EPHA5: variants seen among roughly 807,000 people sequenced by gnomAD.
The protein encoded by EPHA5 is EPH receptor A5, also known as ephrin type-A receptor 5.
EPHA5 carries 60 observed loss-of-function variants against 105.0 expected under a neutral mutation model. That is an observed-to-expected ratio of 0.57 (90% CI 0.46 to 0.71). The LOEUF (loss-of-function observed/expected upper bound fraction) is 0.71. EPHA5 is among the 30% of genes least tolerant of loss of function. The pLI, the probability that EPHA5 is intolerant of heterozygous loss-of-function variation, is 0.00. For missense variants in EPHA5, 1,218 were observed against 1,274.7 expected (o/e 0.96, Z 0.68); for synonymous variants, 513 against 449.1 (o/e 1.14, Z -1.80).
intron 16 of EPHA5, among the ~76,000 whole-genome samples, chr4:65,324,576 T>G (rs1719897970): frequency 7.1e-6 from 1 of 141,806 alleles, no homozygotes; most frequent in African/African-American, 2.5e-5. Flanking sequence ...ACAATATTCA[T>G]AAGCACTTAT....
chr4:65,428,477 T>C (rs1335913563), intron 5 of EPHA5, among the ~76,000 whole-genome samples: 2 of 152,048 alleles, frequency 1.3e-5, no homozygotes, highest in Admixed American at 6.6e-5. Context: ...AAATAAAAAT[T>C]CAATCTGCTC....
chr4:65,670,138 G>T lies in EPHA5; in HGVS notation c.-396C>A. On this transcript the variant is annotated 5_prime_UTR_variant, in exon 1 of 17. The change creates a premature stop within an existing upstream ORF in the 5' untranslated region. Transcript: ENST00000613740. ...GCCTTCAGTGTTGAAATGGACGAAGGTAAGGAAGGCAAATCATTTTAAGAC... is the reference window on the plus strand; with the variant it reads ...GCCTTCAGTGTTGAAATGGACGAAGTTAAGGAAGGCAAATCATTTTAAGAC... 3.7e-6 allele frequency: 1 copy of T among 268,206 alleles called. No individual in the cohort carries two copies. The highest frequency in any genetic ancestry group is 7.0e-6 in the Non-Finnish European group (1 of 142,820). The allele number at this position is 268,206 out of a possible 1,614,324, so 16.6% of individuals were successfully genotyped here.
rs772501509 is a variant in EPHA5 at position 65,669,553 on chromosome 4, T to A, written c.181+9A>T. On this transcript the variant is annotated intron_variant, in intron 1 of 16. Coordinates refer to ENST00000613740, the MANE Select transcript of EPHA5 (RefSeq NM_001281766.3). The stretch of plus-strand genomic sequence containing the variant: ...CAGGTCGCCACGGTCCCCACCCCCA[T>A]CTCCCTACCTTCGTTGCTGGGGCTG... 1 of 1,380,452 alleles carries A rather than the reference T, an allele frequency of 7.2e-7. No individual in the cohort carries two copies. The highest frequency in any genetic ancestry group is 2.9e-5 in the Admixed American group (1 of 34,760). The allele number at this position is 1,380,452 out of a possible 1,614,324, so 85.5% of individuals were successfully genotyped here. A position where few individuals can be genotyped will look rare whatever the true frequency, so the allele number is the denominator to read the frequency against.
intron 8 of EPHA5, among the ~76,000 whole-genome samples, chr4:65,376,438 T>A (rs916477875): frequency 2.0e-5 from 3 of 152,162 alleles, no homozygotes; most frequent in Middle Eastern, 3.4e-3. Context: ...ATGTGCATAT[T>A]TTCTACTTCA....
At chr4:65,594,304 T>A (rs1742963152) in intron 3 of EPHA5, among the ~76,000 whole-genome samples, 1 of 152,200 alleles carries the variant, frequency 6.6e-6, no homozygotes, top group Non-Finnish European at 1.5e-5. Flanking sequence ...TTTACACAAA[T>A]ATGAGACATT....
Position 65,667,888 on chromosome 4 carries a change from T to C in EPHA5, c.181+1674A>G, listed in dbSNP as rs117832184. Among the ~76,000 whole-genome samples, 69 of 152,262 alleles carry C rather than the reference T, an allele frequency of 4.5e-4. No homozygotes were observed. The East Asian group carries it at 0.011, about 25-fold the overall frequency. The stretch of plus-strand genomic sequence containing the variant: ...TCAAATTCAAACGAGGATGCCCCTT[T>C]CGGTGGAATAAGACAGTTAATAAAA... On this transcript the variant is annotated intron_variant, in intron 1 of 16. Transcript: ENST00000613740.
intron 5 of EPHA5, among the ~76,000 whole-genome samples, chr4:65,462,119 C>T (rs1728184590): frequency 6.6e-6 from 1 of 151,970 alleles, no homozygotes; most frequent in Non-Finnish European, 1.5e-5. Flanking sequence ...TTTTAGGAAT[C>T]GTCTGTGTTG....
At chr4:65,402,547 A>G (rs1187275464) in intron 8 of EPHA5, among the ~76,000 whole-genome samples, 2 of 152,196 alleles carry the variant, frequency 1.3e-5, no homozygotes, top group East Asian at 1.9e-4. Context: ...ATAAATTTTC[A>G]AAAACACAGA....
intron 11 of EPHA5, among the ~76,000 whole-genome samples, chr4:65,356,707 T>G (rs895953000): frequency 1.3e-5 from 2 of 151,574 alleles, no homozygotes; most frequent in South Asian, 2.1e-4. Flanking sequence ...AGTATGATCT[T>G]CTTTTGTTGA....
intron 6 of EPHA5, among the ~76,000 whole-genome samples, chr4:65,417,457 C>T (rs920529349): frequency 9.9e-5 from 15 of 152,242 alleles, no homozygotes; most frequent in Admixed American, 3.3e-4. Flanking sequence ...GGCTCACACA[C>T]GATGGTCCGG....
At chr4:65,437,103 C>T (rs1049996697) in intron 5 of EPHA5, among the ~76,000 whole-genome samples, 8 of 152,082 alleles carry the variant, frequency 5.3e-5, no homozygotes, top group African/African-American at 1.9e-4. Context: ...TAATTTCTAA[C>T]AGAAAAAATG....
chr4:65,443,508 T>C (rs185987124), intron 5 of EPHA5, among the ~76,000 whole-genome samples: 76 of 151,966 alleles, frequency 5.0e-4, no homozygotes, highest in Admixed American at 1.6e-3. Context: ...AGGTTGAAGA[T>C]AGGAAAAATT....
chr4:65,561,244 A>G (rs576558900), intron 3 of EPHA5, among the ~76,000 whole-genome samples: 1 of 152,216 alleles, frequency 6.6e-6, no homozygotes, highest in African/African-American at 2.4e-5. Context: ...TTTGTAAGAT[A>G]TTATTTATCT....
intron 13 of EPHA5, among the ~76,000 whole-genome samples, chr4:65,348,659 GATATATATATATATATATATATAT>G (rs36206921): frequency 5.0e-5 from 3 of 60,228 alleles, no homozygotes; most frequent in African/African-American, 1.8e-4. Context: ...AAACATTGGA[GATATATATATATATATATATATAT>G]ATATATATAT....
At chr4:65,387,575 A>C (rs1720230001) in intron 8 of EPHA5, among the ~76,000 whole-genome samples, 1 of 151,938 alleles carries the variant, frequency 6.6e-6, no homozygotes, top group Non-Finnish European at 1.5e-5. Context: ...TAAGCCTTAA[A>C]AAAAAGCCTT....
At chr4:65,435,877 A>T (rs1453982384) in intron 5 of EPHA5, among the ~76,000 whole-genome samples, 2 of 152,126 alleles carry the variant, frequency 1.3e-5, no homozygotes, top group Admixed American at 6.6e-5. Flanking sequence ...TGCATATTGA[A>T]CATCTCCAAT....
chr4:65,334,959 C>T (rs912285628), intron 15 of EPHA5, among the ~76,000 whole-genome samples: 2 of 151,860 alleles, frequency 1.3e-5, no homozygotes, highest in Admixed American at 6.6e-5. Context: ...TAAGAAGATA[C>T]GTTCTCCATT....
intron 5 of EPHA5, among the ~76,000 whole-genome samples, chr4:65,460,342 G>A (rs1728005188): frequency 6.6e-6 from 1 of 151,162 alleles, no homozygotes; most frequent in South Asian, 2.1e-4. Context: ...GCTAGCCATA[G>A]TTTGAATCTC....
rs2148794771 is a variant in EPHA5, at chr4:65,330,833, G to T, written c.2945+1140C>A. 2.9e-6 allele frequency: 3 copies of T among 1,032,172 alleles called. No homozygotes were observed. In the East Asian group the frequency reaches 1.8e-4, roughly 63 times the overall value. 63.9% of individuals were successfully genotyped at this position (1,032,172 alleles called of 1,614,324 possible). A position where few individuals can be genotyped will look rare whatever the true frequency, so the allele number is the denominator to read the frequency against. On this transcript the variant is annotated intron_variant, in intron 16 of 16. Transcript: ENST00000613740. ...TGTTATCAAGTAGATATGATCTGGT[G>T]GACCGTGAGAATGAGATTCAGTAAA...
Sources: allele counts gnomAD v4.1 joint callset (sites outside exome capture counted in the v4.1 genomes callset), GRCh38; gene constraint gnomAD v4.1.1; transcripts MANE v1.5; gene names NCBI Gene and HGNC (gene_info 2026-07-23, HGNC 2026-07-21).